The following GPC6 variants were observed in gnomAD, a reference collection of about 807,000 sequenced individuals.
GPC6 encodes the protein glypican 6, also known as glypican-6.
Under a neutral mutation model 55.2 loss-of-function variants are expected in GPC6, and 14 were observed. The observed-to-expected ratio is 0.25, with a 90% CI of 0.17 to 0.40. The LOEUF is 0.40. GPC6 is among the 10% of genes least tolerant of loss of function. The probability of loss-of-function intolerance (pLI) is 1.00; values close to 1 mark genes in which losing one functional copy is unlikely to be tolerated. For synonymous variants in GPC6, 278 were observed against 259.6 expected (o/e 1.07, Z -0.68); for missense variants, 641 against 708.5 (o/e 0.90, Z 1.08).
intron 1 of GPC6, among the ~76,000 whole-genome samples, chr13:93,543,892 C>T (rs1481260631): frequency 1.3e-5 from 2 of 152,054 alleles, no homozygotes; most frequent in Non-Finnish European, 2.9e-5. Context: ...CCATACTGTT[C>T]TCCATAGACA....
intron 4 of GPC6, among the ~76,000 whole-genome samples, chr13:94,167,268 T>C (rs1238490245): frequency 1.3e-5 from 2 of 152,190 alleles, no homozygotes; most frequent in Admixed American, 1.3e-4. Context: ...AAAGCTGTTC[T>C]TGTGTAGTCA....
intron 4 of GPC6, among the ~76,000 whole-genome samples, chr13:94,089,805 C>T (rs937148870): frequency 6.6e-6 from 1 of 152,054 alleles, no homozygotes; most frequent in African/African-American, 2.4e-5. Flanking sequence ...CCCTGAATAA[C>T]TGCAAGTATT....
chr13:93,503,095 A>G (rs562892959), intron 1 of GPC6, among the ~76,000 whole-genome samples: 2 of 152,286 alleles, frequency 1.3e-5, no homozygotes, highest in African/African-American at 4.8e-5. Flanking sequence ...TCCCTTCCAT[A>G]CATCCTCACC....
chr13:94,044,843 G>C (rs1221552135), intron 4 of GPC6, among the ~76,000 whole-genome samples: 1 of 151,646 alleles, frequency 6.6e-6, no homozygotes, highest in Non-Finnish European at 1.5e-5. Context: ...GATCTTTTTA[G>C]TTTAATTTTT....
chr13:94,025,957 G>A (rs1882880814), intron 3 of GPC6, among the ~76,000 whole-genome samples: 1 of 152,154 alleles, frequency 6.6e-6, no homozygotes, highest in South Asian at 2.1e-4. Context: ...ACTTTGGCAT[G>A]AAAAATGAGG....
At chr13:93,692,342 A>G (rs1882289138) in intron 2 of GPC6, among the ~76,000 whole-genome samples, 1 of 152,098 alleles carries the variant, frequency 6.6e-6, no homozygotes, top group African/African-American at 2.4e-5. Flanking sequence ...AGAAGTCAGC[A>G]TTTGTTTGAT....
intron 4 of GPC6, among the ~76,000 whole-genome samples, chr13:94,208,890 G>T (rs575264043): frequency 8.6e-5 from 13 of 151,694 alleles, no homozygotes; most frequent in Admixed American, 2.0e-4. Context: ...TCGTGCTACT[G>T]CACTCCAGCC....
Position 94,377,702 on chromosome 13 carries a change from A to T in GPC6, c.1153-4712A>T, listed in dbSNP as rs1425234259. Reference sequence around the variant, plus strand: ...CCAGCCATCCCATTACTGGGTATATACCCAAAGGACTATAAATCATGCTGC... The same window carrying T: ...CCAGCCATCCCATTACTGGGTATATTCCCAAAGGACTATAAATCATGCTGC... On this transcript the variant is annotated intron_variant, in intron 6 of 8. Transcript: ENST00000377047. Among the ~76,000 whole-genome samples the T allele has an allele frequency of 9.9e-5, 15 of 152,236 alleles. No individual in the cohort carries two copies. The East Asian group carries it at 2.1e-3, about 22-fold the overall frequency.
intron 3 of GPC6, among the ~76,000 whole-genome samples, chr13:93,901,099 G>T (rs9589863): frequency 0.33 from 49,748 of 151,954 alleles, 8,651 homozygotes; most frequent in Middle Eastern, 0.52. Context: ...ATTCATATTT[G>T]CAGTTTTAAA....
intron 2 of GPC6, among the ~76,000 whole-genome samples, chr13:93,791,278 G>A (rs911122922): frequency 1.3e-5 from 2 of 152,192 alleles, no homozygotes; most frequent in Non-Finnish European, 2.9e-5. Context: ...GACCAGGGCT[G>A]TAGAAATAGT....
chr13:94,236,474 G>A (rs763367919), intron 4 of GPC6, among the ~76,000 whole-genome samples: 8 of 152,268 alleles, frequency 5.3e-5, no homozygotes, highest in Non-Finnish European at 8.8e-5. Flanking sequence ...CCAGGTGTAT[G>A]AGACAGTGCC....
At chr13:93,231,328 T>C (rs1452851931) in intron 1 of GPC6, among the ~76,000 whole-genome samples, 538 of 47,660 alleles carry the variant, frequency 0.011, 3 homozygotes, top group Non-Finnish European at 0.015. Context: ...TATATATATA[T>C]ACGTATATAT....
chr13:94,382,542 C>A lies in GPC6; in HGVS notation c.1281C>A (p.Ser427Arg), dbSNP rs1179528802. The change falls in exon 7 of 9, where the codon AGC becomes AGA. Residue 427 changes from serine (S) to arginine (R), a missense_variant. Coordinates refer to ENST00000377047, the MANE Select transcript of GPC6 (RefSeq NM_005708.5). The part of the protein sequence containing the change: ...SNEEECWNGH[S>R]KARYLPEIMN... ...AGGAGGAATGCTGGAACGGGCACAG[C>A]AAAGCCAGGTGAGGGTGACTCGATG... The A allele has an allele frequency of 1.2e-6, 2 of 1,614,090 alleles. No individual in the cohort carries two copies. The highest frequency in any genetic ancestry group is 2.2e-5 in the East Asian group (1 of 44,862).
chr13:93,790,891 A>G (rs1188368593), intron 2 of GPC6, among the ~76,000 whole-genome samples: 5 of 152,212 alleles, frequency 3.3e-5, no homozygotes, highest in African/African-American at 7.2e-5. Flanking sequence ...TTTCACATGG[A>G]CAGCGAAGGG....
intron 4 of GPC6, among the ~76,000 whole-genome samples, chr13:94,142,162 A>G (rs530226228): frequency 6.6e-6 from 1 of 152,338 alleles, no homozygotes; most frequent in South Asian, 2.1e-4. Context: ...GTGAAGACGC[A>G]TTTAAAAGAA....
chr13:93,454,863 C>T (rs570675659), intron 1 of GPC6, among the ~76,000 whole-genome samples: 2 of 152,342 alleles, frequency 1.3e-5, no homozygotes, highest in East Asian at 3.9e-4. Flanking sequence ...AGGCTTGGGC[C>T]GCACAGGAGC....
intron 4 of GPC6, among the ~76,000 whole-genome samples, chr13:94,265,922 G>C (rs1464744627): frequency 6.6e-6 from 1 of 152,070 alleles, no homozygotes; most frequent in African/African-American, 2.4e-5. Flanking sequence ...AGCAGAATTG[G>C]AAAGAAAGTT....
At chr13:93,943,118 T>C (rs939828187) in intron 3 of GPC6, among the ~76,000 whole-genome samples, 1 of 152,302 alleles carries the variant, frequency 6.6e-6, no homozygotes, top group South Asian at 2.1e-4. Flanking sequence ...AGCTAACAGA[T>C]TGTAAGCACG....
intron 4 of GPC6, among the ~76,000 whole-genome samples, chr13:94,253,953 C>A (rs1400150865): frequency 6.6e-6 from 1 of 152,036 alleles, no homozygotes; most frequent in Non-Finnish European, 1.5e-5. Flanking sequence ...TGGTAGCACA[C>A]AGATTGATGT....
Sources: gnomAD v4.1 joint callset for allele counts (sites outside exome capture counted in the v4.1 genomes callset) on GRCh38, gnomAD v4.1.1 for gene constraint, MANE v1.5 for transcripts, NCBI Gene and HGNC (gene_info 2026-07-23, HGNC 2026-07-21) for gene names.